Variants in TP63 observed in about 807,000 individuals in gnomAD.
TP63 encodes tumor protein p63, also known as tumor protein 63.
Under a neutral mutation model 82.8 loss-of-function variants are expected in TP63, and 17 were observed. That is an observed-to-expected ratio of 0.21 (90% CI 0.14 to 0.31). TP63 has a LOEUF of 0.31. Among genes scored for constraint, TP63 ranks in the 10% least tolerant of loss-of-function variants. The pLI, the probability that TP63 is intolerant of heterozygous loss-of-function variation, is 1.00. For missense variants in TP63, 648 were observed against 895.3 expected (o/e 0.72, Z 3.52); for synonymous variants, 330 against 321.7 (o/e 1.03, Z -0.28).
At chr3:189,724,726 C>T (rs946595639) in intron 1 of TP63, among the ~76,000 whole-genome samples, 4 of 152,112 alleles carry the variant, frequency 2.6e-5, no homozygotes, top group African/African-American at 7.2e-5. Flanking sequence ...GATTCAAATC[C>T]CCTCCATCTC....
At chr3:189,687,249 T>A (rs1288709641) in intron 1 of TP63, among the ~76,000 whole-genome samples, 1 of 152,168 alleles carries the variant, frequency 6.6e-6, no homozygotes, top group Non-Finnish European at 1.5e-5. Flanking sequence ...GACTCAGTTA[T>A]GATGAAACGG....
intron 1 of TP63, among the ~76,000 whole-genome samples, chr3:189,658,752 A>T (rs1279513781): frequency 6.6e-6 from 1 of 152,100 alleles, no homozygotes; most frequent in Non-Finnish European, 1.5e-5. Flanking sequence ...TGATGAATAA[A>T]CATAATGTGG....
the TP63 span, among the ~76,000 whole-genome samples, chr3:189,610,445 G>A: frequency 1.3e-5 from 2 of 152,094 alleles, no homozygotes; most frequent in Admixed American, 1.3e-4. Flanking sequence ...AATCTCTAGG[G>A]CAGGGGCAAA....
intron 9 of TP63, among the ~76,000 whole-genome samples, chr3:189,871,345 CACAA>C (rs1165388375): frequency 1.3e-5 from 2 of 152,046 alleles, no homozygotes; most frequent in East Asian, 1.9e-4. Context: ...CTATTGAGGA[CACAA>C]ACAGTTATAA....
At chr3:189,874,871 C>G (rs575036554) in intron 10 of TP63, among the ~76,000 whole-genome samples, 15 of 152,016 alleles carry the variant, frequency 9.9e-5, no homozygotes, top group Non-Finnish European at 2.2e-4. Flanking sequence ...GAAATACCCT[C>G]AAATTTCCTC....
intron 1 of TP63, among the ~76,000 whole-genome samples, chr3:189,734,158 C>G (rs555039921): frequency 9.1e-6 from 1 of 110,396 alleles, no homozygotes; most frequent in South Asian, 3.5e-4. Context: ...GTCCCTCCCT[C>G]CCTCCCTCCC....
At chr3:189,713,424 C>T (rs1718739805) in intron 1 of TP63, among the ~76,000 whole-genome samples, 1 of 152,176 alleles carries the variant, frequency 6.6e-6, no homozygotes, top group Non-Finnish European at 1.5e-5. Context: ...ATAAATACTT[C>T]ATTTTCCTGA....
chr3:189,852,903 A>G (rs1398643638), intron 4 of TP63, among the ~76,000 whole-genome samples: 4 of 151,936 alleles, frequency 2.6e-5, no homozygotes, highest in African/African-American at 9.7e-5. Context: ...CCTTGCTTTT[A>G]CTGATGATAT....
the TP63 span, among the ~76,000 whole-genome samples, chr3:189,616,433 A>G: frequency 4.6e-5 from 7 of 152,328 alleles, no homozygotes; most frequent in East Asian, 1.2e-3. Context: ...TCCTCATGGT[A>G]TATATTCTTC....
chr3:189,754,799 G>A (rs955809491), intron 3 of TP63, among the ~76,000 whole-genome samples: 3 of 151,968 alleles, frequency 2.0e-5, no homozygotes, highest in Non-Finnish European at 4.4e-5. Flanking sequence ...GGCTCCTAGA[G>A]CCACTCTCAC....
At chr3:189,866,132 A>G (rs985839398) in intron 5 of TP63, among the ~76,000 whole-genome samples, 1 of 152,082 alleles carries the variant, frequency 6.6e-6, no homozygotes, top group East Asian at 1.9e-4. Context: ...CTTACACCCA[A>G]CTTGGGACTC....
intron 1 of TP63, among the ~76,000 whole-genome samples, chr3:189,644,120 C>A (rs1165228697): frequency 6.6e-6 from 1 of 152,114 alleles, no homozygotes; most frequent in African/African-American, 2.4e-5. Flanking sequence ...GGTACCAATC[C>A]ACACAAATGC....
chr3:189,878,423 C>T, intron 10 of TP63, among the ~76,000 whole-genome samples: 1 of 123,332 alleles, frequency 8.1e-6, no homozygotes. Context: ...GAGTCTTGCT[C>T]TGTCACCCAG....
chr3:189,842,204 C>T (rs1180441176), intron 4 of TP63, among the ~76,000 whole-genome samples: 3 of 151,870 alleles, frequency 2.0e-5, no homozygotes, highest in East Asian at 1.9e-4. Flanking sequence ...GGGGTTGCAA[C>T]GTATTGTCTT....
chr3:189,601,089 C>A, the TP63 span, among the ~76,000 whole-genome samples: 2 of 152,138 alleles, frequency 1.3e-5, no homozygotes, highest in African/African-American at 4.8e-5. Context: ...AAAGTCATTG[C>A]TTATTTTTAA....
intron 1 of TP63, among the ~76,000 whole-genome samples, chr3:189,718,912 G>T (rs996901802): frequency 6.6e-6 from 1 of 152,124 alleles, no homozygotes; most frequent in African/African-American, 2.4e-5. Context: ...TTGGAGAGGG[G>T]TATATTTAAC....
chr3:189,758,583 A>G (rs1722354272), intron 3 of TP63, among the ~76,000 whole-genome samples: 1 of 152,222 alleles, frequency 6.6e-6, no homozygotes, highest in Non-Finnish European at 1.5e-5. Flanking sequence ...TTCCAAGTGT[A>G]CTTTACTTCC....
At chr3:189,778,778 C>T (rs988465718) in intron 3 of TP63, among the ~76,000 whole-genome samples, 18 of 152,252 alleles carry the variant, frequency 1.2e-4, no homozygotes, top group African/African-American at 3.9e-4. Context: ...GTTATCAACT[C>T]GGCCCTTTAA....
chr3:189,874,698 T>G (rs903062957), intron 10 of TP63, among the ~76,000 whole-genome samples: 8 of 152,182 alleles, frequency 5.3e-5, no homozygotes, highest in African/African-American at 1.9e-4. Flanking sequence ...TATGGATGTT[T>G]TGGGATATCA....
Sources: allele counts gnomAD v4.1 joint callset (sites outside exome capture counted in the v4.1 genomes callset), GRCh38; gene constraint gnomAD v4.1.1; transcripts MANE v1.5; gene names NCBI Gene and HGNC (gene_info 2026-07-23, HGNC 2026-07-21).